SNCAIP: variants seen among roughly 807,000 people sequenced by gnomAD.
SNCAIP encodes the protein synphilin-1.
Under a neutral mutation model 86.7 loss-of-function variants are expected in SNCAIP, and 43 were observed. The ratio of observed to expected loss-of-function variants is 0.50; its 90% CI spans 0.39 to 0.64. The LOEUF (loss-of-function observed/expected upper bound fraction) is 0.64. SNCAIP is among the 30% of genes least tolerant of loss of function. SNCAIP has a pLI of 0.00. For missense variants in SNCAIP, 981 were observed against 1,103.1 expected, an observed-to-expected ratio of 0.89 and a Z score of 1.57; for synonymous variants, 417 against 427.2, an observed-to-expected ratio of 0.98 and a Z score of 0.29.
At chr5:122,375,908 G>A (rs1765211950) in intron 1 of SNCAIP, among the ~76,000 whole-genome samples, 1 of 152,024 alleles carries the variant, frequency 6.6e-6, no homozygotes, top group African/African-American at 2.4e-5. Flanking sequence ...GTGGGGAAGA[G>A]GTCACCATCT....
At chr5:122,392,942 A>C (rs956882520) in intron 2 of SNCAIP, among the ~76,000 whole-genome samples, 13 of 152,302 alleles carry the variant, frequency 8.5e-5, no homozygotes, top group African/African-American at 2.6e-4. Flanking sequence ...TTAATACAAC[A>C]GAGCAGTTGT....
At chr5:122,414,745 T>C (rs1373883129) in intron 3 of SNCAIP, among the ~76,000 whole-genome samples, 2 of 152,232 alleles carry the variant, frequency 1.3e-5, no homozygotes, top group Non-Finnish European at 2.9e-5. Flanking sequence ...AAGGCAGTCC[T>C]CCAGTGTTAC....
intron 2 of SNCAIP, among the ~76,000 whole-genome samples, chr5:122,393,596 T>C (rs1769909327): frequency 6.6e-6 from 1 of 152,190 alleles, no homozygotes; most frequent in Non-Finnish European, 1.5e-5. Context: ...AGACATATTT[T>C]GTTGTCATAC....
At chr5:122,353,195 A>G (rs1760232280) in intron 1 of SNCAIP, among the ~76,000 whole-genome samples, 1 of 152,088 alleles carries the variant, frequency 6.6e-6, no homozygotes, top group African/African-American at 2.4e-5. Context: ...ATGTTGAGCA[A>G]AAAAAGGAGG....
intron 3 of SNCAIP, among the ~76,000 whole-genome samples, chr5:122,418,632 A>C (rs1775775467): frequency 6.6e-6 from 1 of 152,192 alleles, no homozygotes; most frequent in African/African-American, 2.4e-5. Context: ...TTTGGAAAGG[A>C]GTTAAATTCA....
At position 122,451,149 on chromosome 5, in the gene SNCAIP, A is replaced by G; in HGVS notation, c.2302A>G (p.Ser768Gly). 2 of 1,614,164 alleles carry G rather than the reference A, an allele frequency of 1.2e-6. No individual in the cohort carries two copies. The highest frequency in any genetic ancestry group is 2.2e-5 in the South Asian group (2 of 91,086). ...DLESQYPGSG[S>G]IPPNQPSGDP... The stretch of plus-strand genomic sequence containing the variant: ...AGAATCCCAGTATCCAGGCTCAGGG[A>G]GTATTCCTCCAAACCAGCCCTCTGG... The change falls in exon 10 of 11, where the codon AGT becomes GGT. Residue 768 changes from serine (S) to glycine (G), a missense_variant. By Grantham distance (56) the Ser-to-Gly change is moderately conservative. Coordinates refer to ENST00000261368, the MANE Select transcript of SNCAIP (RefSeq NM_005460.4).
chr5:122,448,977 C>G (rs1387313477), intron 8 of SNCAIP, among the ~76,000 whole-genome samples: 1 of 150,930 alleles, frequency 6.6e-6, no homozygotes, highest in African/African-American at 2.4e-5. Flanking sequence ...GATAGCACCA[C>G]TGCAGTCCGG....
chr5:122,446,858 C>T (rs1030407539), intron 8 of SNCAIP, among the ~76,000 whole-genome samples: 3 of 152,174 alleles, frequency 2.0e-5, no homozygotes, highest in Admixed American at 6.5e-5. Context: ...AGCAACTCCT[C>T]AGAGTTAATA....
At chr5:122,443,156 A>C (rs2617281) in intron 7 of SNCAIP, among the ~76,000 whole-genome samples, 16,300 of 152,228 alleles carry the variant, frequency 0.11, 1,029 homozygotes, top group Non-Finnish European at 0.14. Flanking sequence ...GTGAGTGATC[A>C]TAAACCAAAA....
At chr5:122,351,631 C>G (rs1036007331) in intron 1 of SNCAIP, among the ~76,000 whole-genome samples, 1 of 146,666 alleles carries the variant, frequency 6.8e-6, no homozygotes, top group African/African-American at 2.5e-5. Context: ...CACTGAGCAG[C>G]TTTTTTTGTT....
chr5:122,393,180 G>T (rs182485380), intron 2 of SNCAIP, among the ~76,000 whole-genome samples: 1 of 152,044 alleles, frequency 6.6e-6, no homozygotes, highest in African/African-American at 2.4e-5. Flanking sequence ...AACATGTTTC[G>T]ATTGTTTGGT....
intron 9 of SNCAIP, 138 bp from the exon 10 acceptor site, chr5:122,450,395 C>T (rs186420688): frequency 1.7e-4 from 131 of 753,406 alleles, no homozygotes; most frequent in Admixed American, 1.7e-3. Flanking sequence ...CACATTGTTT[C>T]GAAAAGAAAT....
intron 6 of SNCAIP, among the ~76,000 whole-genome samples, chr5:122,432,869 T>C (rs1231187670): frequency 6.6e-6 from 1 of 152,198 alleles, no homozygotes; most frequent in Non-Finnish European, 1.5e-5. Context: ...AATAGTACTG[T>C]GTTAAAATAG....
At chr5:122,395,586 T>G (rs536160109) in intron 2 of SNCAIP, among the ~76,000 whole-genome samples, 1 of 152,176 alleles carries the variant, frequency 6.6e-6, no homozygotes, top group Non-Finnish European at 1.5e-5. Flanking sequence ...TTAATTCTTA[T>G]GGTAAAATAA....
intron 1 of SNCAIP, among the ~76,000 whole-genome samples, chr5:122,317,044 G>A (rs1419717264): frequency 3.9e-5 from 6 of 152,088 alleles, no homozygotes; most frequent in Non-Finnish European, 5.9e-5. Flanking sequence ...CCATTATCTC[G>A]TGCAGTAACG....
At position 122,412,370 on chromosome 5, in the gene SNCAIP, C is replaced by T. The variant is rs190467112; in HGVS notation, c.130+8505C>T. Among the ~76,000 whole-genome samples the T allele has an allele frequency of 1.2e-4, 18 of 152,278 alleles. No individual in the cohort carries two copies. The East Asian group carries it at 3.5e-3, about 29-fold the overall frequency. ...TCTAGGGAAGGTCACGGCTTCCATG[C>T]TGTCAAATGCACTGACACTTTGCTA... On this transcript the variant is annotated intron_variant, in intron 3 of 10. Coordinates refer to ENST00000261368, the MANE Select transcript of SNCAIP (RefSeq NM_005460.4).
intron 1 of SNCAIP, among the ~76,000 whole-genome samples, chr5:122,352,081 T>C (rs755122841): frequency 5.3e-5 from 8 of 152,226 alleles, no homozygotes; most frequent in Non-Finnish European, 1.0e-4. Flanking sequence ...ACAAATGTAT[T>C]AAATTGGTAA....
intron 8 of SNCAIP, among the ~76,000 whole-genome samples, chr5:122,445,470 C>T (rs1267714644): frequency 2.0e-5 from 3 of 152,054 alleles, no homozygotes; most frequent in African/African-American, 4.8e-5. Flanking sequence ...AAGGAGTTAA[C>T]ACCTGCCTGA....
At chr5:122,317,294 T>G (rs1751953607) in intron 1 of SNCAIP, among the ~76,000 whole-genome samples, 1 of 152,200 alleles carries the variant, frequency 6.6e-6, no homozygotes, top group Non-Finnish European at 1.5e-5. Flanking sequence ...TTATACTTGC[T>G]CAAGTAGGAA....
Sources: allele counts gnomAD v4.1 joint callset (sites outside exome capture counted in the v4.1 genomes callset), GRCh38; gene constraint gnomAD v4.1.1; transcripts MANE v1.5; gene names NCBI Gene and HGNC (gene_info 2026-07-23, HGNC 2026-07-21).